Variants in PRICKLE2 observed in about 807,000 individuals in gnomAD.
PRICKLE2 encodes the protein prickle planar cell polarity protein 2.
A neutral mutation model predicts 81.4 loss-of-function variants in PRICKLE2; 21 were observed. The ratio of observed to expected loss-of-function variants is 0.26; its 90% CI spans 0.18 to 0.37. The LOEUF is 0.37. PRICKLE2 is among the 10% of genes least tolerant of loss of function. The pLI, the probability that PRICKLE2 is intolerant of heterozygous loss-of-function variation, is 1.00. For synonymous variants in PRICKLE2, 456 were observed against 421.5 expected, an observed-to-expected ratio of 1.08 and a Z score of -1.00; for missense variants, 940 against 1,109.0, an observed-to-expected ratio of 0.85 and a Z score of 2.16.
At chr3:64,234,927 C>T (rs758574019) in intron 2 of PRICKLE2, among the ~76,000 whole-genome samples, 4 of 152,234 alleles carry the variant, frequency 2.6e-5, no homozygotes, top group Admixed American at 6.5e-5. Context: ...CATAAGACTT[C>T]GGAAGTCTTC....
intron 2 of PRICKLE2, chr3:64,194,340 T>C (rs1302324187): frequency 6.6e-6 from 1 of 152,258 alleles, no homozygotes; most frequent in Non-Finnish European, 1.5e-5. Flanking sequence ...GTTTGCTAAA[T>C]TGAGTCATCC....
chr3:64,206,560 C>T (rs775071205), intron 1 of PRICKLE2, among the ~76,000 whole-genome samples: 2 of 152,198 alleles, frequency 1.3e-5, no homozygotes, highest in Non-Finnish European at 2.9e-5. Context: ...TCTCTTGTTG[C>T]TAGCCCTGCC....
At chr3:64,240,534 T>G (rs2079248637) in intron 2 of PRICKLE2, among the ~76,000 whole-genome samples, 1 of 152,178 alleles carries the variant, frequency 6.6e-6, no homozygotes, top group African/African-American at 2.4e-5. Flanking sequence ...AGTCCCTGTG[T>G]GGGCTATGAA....
chr3:64,127,912 C>G (rs2077135169), intron 7 of PRICKLE2, among the ~76,000 whole-genome samples: 2 of 152,090 alleles, frequency 1.3e-5, no homozygotes, highest in South Asian at 4.1e-4. Context: ...AGGAAGAGGG[C>G]AGCAGGCACT....
At chr3:64,217,204 AC>A (rs1324599432) in intron 1 of PRICKLE2, among the ~76,000 whole-genome samples, 6 of 152,118 alleles carry the variant, frequency 3.9e-5, no homozygotes, top group Admixed American at 3.9e-4. Context: ...CTGGAGAAAG[AC>A]CCTACATCAC....
At chr3:64,126,805 T>C (rs963490935) in intron 7 of PRICKLE2, among the ~76,000 whole-genome samples, 3 of 152,132 alleles carry the variant, frequency 2.0e-5, no homozygotes, top group Non-Finnish European at 4.4e-5. Flanking sequence ...CTCGAACTCC[T>C]GGCATTGTGA....
At position 64,131,526 on chromosome 3, in the gene PRICKLE2, T is replaced by A. The variant is rs2077196265; in HGVS notation, c.1660+15304A>T. ...CTGTTTAGCCATATGTTTTCAAGGCTTACTGTTTACTTAAGGAAAGGTTTT... is the reference window on the plus strand; with the variant it reads ...CTGTTTAGCCATATGTTTTCAAGGCATACTGTTTACTTAAGGAAAGGTTTT... On this transcript the variant is annotated intron_variant, in intron 7 of 7. Coordinates refer to ENST00000638394, the MANE Select transcript of PRICKLE2 (RefSeq NM_198859.4). 2.0e-5 allele frequency among the ~76,000 whole-genome samples: 3 copies of A among 152,216 alleles called. No homozygotes were observed. In the South Asian group the frequency reaches 6.2e-4, roughly 32 times the overall value.
Position 64,101,528 on chromosome 3 carries a change from A to T in PRICKLE2, c.1661-1603T>A, listed in dbSNP as rs534526738. The stretch of plus-strand genomic sequence containing the variant: ...AACTTGAAGGGGCCCCCACTGGCCA[A>T]ATCTGAACAATTTGAGCACTCAAAT... On this transcript the variant is annotated intron_variant, in intron 7 of 7. Coordinates refer to ENST00000638394, the MANE Select transcript of PRICKLE2 (RefSeq NM_198859.4). 5 of 152,348 alleles carry T rather than the reference A, an allele frequency of 3.3e-5. No homozygotes were observed. In the South Asian group the frequency reaches 1.0e-3, roughly 32 times the overall value. 9.4% of individuals were successfully genotyped at this position (152,348 alleles called of 1,614,324 possible).
intron 2 of PRICKLE2, among the ~76,000 whole-genome samples, chr3:64,166,009 T>C (rs998471805): frequency 7.4e-5 from 10 of 135,274 alleles, no homozygotes; most frequent in African/African-American, 2.7e-4. Flanking sequence ...TGTGTGTGTG[T>C]GTGTGTTTTG....
At chr3:64,206,165 T>C (rs2078685008) in intron 1 of PRICKLE2, among the ~76,000 whole-genome samples, 1 of 152,146 alleles carries the variant, frequency 6.6e-6, no homozygotes, top group African/African-American at 2.4e-5. Context: ...TGGGGAATAG[T>C]AGGATGTCCC....
chr3:64,224,744 T>A (rs1425914717), intron 1 of PRICKLE2, among the ~76,000 whole-genome samples, 166 bp downstream of exon 1: 1 of 152,114 alleles, frequency 6.6e-6, no homozygotes, highest in Non-Finnish European at 1.5e-5. Context: ...CTAATCAGCA[T>A]AGAAAAGGCA....
chr3:64,157,266 T>C lies in PRICKLE2; in HGVS notation c.496A>G (p.Asn166Asp). ...HPPCFVCTVC[N>D]ELLVDLIYFY... ...TAGATCAGATCCACCAGGAGCTCAT[T>C]GCAGACAGTGCATACGAAGCACGGC... Residue 166 changes from asparagine (N) to aspartate (D), a missense_variant, in exon 5 of 8, where the codon AAT (asparagine) becomes GAT (aspartate). Coordinates refer to ENST00000638394, the MANE Select transcript of PRICKLE2 (RefSeq NM_198859.4). 1.2e-6 allele frequency: 2 copies of C among 1,614,202 alleles called. No homozygotes were observed. Among genetic ancestry groups the C allele is most frequent in the Non-Finnish European group, 1.7e-6 (2 of 1,180,032 alleles).
At chr3:64,156,607 T>C (rs748934977) in intron 5 of PRICKLE2, among the ~76,000 whole-genome samples, 3 of 152,202 alleles carry the variant, frequency 2.0e-5, no homozygotes, top group Non-Finnish European at 4.4e-5. Flanking sequence ...CTTTCTTACA[T>C]AGGGTACTTC....
chr3:64,153,166 C>T lies in PRICKLE2; in HGVS notation c.787+16G>A, dbSNP rs550298681. The T allele has an allele frequency of 1.9e-5, 31 of 1,613,594 alleles. No individual in the cohort carries two copies. The East Asian group carries it at 6.7e-4, about 35-fold the overall frequency. The stretch of plus-strand genomic sequence containing the variant: ...CATCACAGAAGGACCAAGCTGACTG[C>T]CAAATATTGCCTCACCTATATGTTG... On this transcript the variant is annotated intron_variant, in intron 6 of 7. Transcript: ENST00000638394.
At chr3:64,113,326 C>A (rs1352011856) in intron 7 of PRICKLE2, among the ~76,000 whole-genome samples, 8 of 152,176 alleles carry the variant, frequency 5.3e-5, no homozygotes, top group Non-Finnish European at 4.4e-5. Flanking sequence ...GAAGGGTGGT[C>A]TTGCACATCA....
In PRICKLE2 at chr3:64,157,373, G is replaced by T; in HGVS notation, c.397-8C>A. 2 of 1,612,492 alleles carry T rather than the reference G, an allele frequency of 1.2e-6. No individual in the cohort carries two copies. The highest frequency in any genetic ancestry group is 1.7e-6 in the Non-Finnish European group (2 of 1,179,834). On this transcript the variant is annotated splice_polypyrimidine_tract_variant and splice_region_variant and intron_variant, in intron 4 of 7. Coordinates refer to ENST00000638394, the MANE Select transcript of PRICKLE2 (RefSeq NM_198859.4). ...ATTGATCTGGCCTCCGCACTGTGAG[G>T]CAAACAGAAACATCAGTAGTCACAC...
At chr3:64,256,373 T>C (rs2079524842) in intron 2 of PRICKLE2, among the ~76,000 whole-genome samples, 1 of 152,236 alleles carries the variant, frequency 6.6e-6, no homozygotes, top group South Asian at 2.1e-4. Context: ...TCAATTATTA[T>C]CATTGTATTT....
chr3:64,235,008 T>C (rs1019738360), intron 2 of PRICKLE2, among the ~76,000 whole-genome samples: 3 of 152,180 alleles, frequency 2.0e-5, no homozygotes, highest in East Asian at 1.9e-4. Context: ...TAAGCATATG[T>C]AGGTGTGCTT....
At chr3:64,217,538 G>A (rs2078891055) in intron 1 of PRICKLE2, among the ~76,000 whole-genome samples, 1 of 152,108 alleles carries the variant, frequency 6.6e-6, no homozygotes, top group Non-Finnish European at 1.5e-5. Flanking sequence ...TGGAAAATAG[G>A]GTTTCATTCC....
Sources: gnomAD v4.1 joint callset for allele counts (sites outside exome capture counted in the v4.1 genomes callset) on GRCh38, gnomAD v4.1.1 for gene constraint, MANE v1.5 for transcripts, NCBI Gene and HGNC (gene_info 2026-07-23, HGNC 2026-07-21) for gene names.